The following GK5 variants were observed in gnomAD, a reference collection of about 807,000 sequenced individuals.
GK5 encodes the protein ATP:glycerol 3-phosphotransferase 5.
GK5 carries 39 observed loss-of-function variants against 77.3 expected under a neutral mutation model. That is an observed-to-expected ratio of 0.50 (90% CI 0.39 to 0.66). The LOEUF (loss-of-function observed/expected upper bound fraction) is 0.66, where lower values mean the gene tolerates loss of function less well. GK5 is among the 30% of genes least tolerant of loss of function. The probability of loss-of-function intolerance (pLI) is 0.00; values close to 1 mark genes in which losing one functional copy is unlikely to be tolerated. For synonymous variants in GK5, 211 were observed against 208.0 expected, an observed-to-expected ratio of 1.01 and a Z score of -0.13; for missense variants, 487 against 633.8, an observed-to-expected ratio of 0.77 and a Z score of 2.49.
At chr3:142,171,682 G>GT (rs1001374029) in intron 13 of GK5, among the ~76,000 whole-genome samples, 10 of 151,396 alleles carry the variant, frequency 6.6e-5, no homozygotes, top group African/African-American at 1.9e-4. Flanking sequence ...AGGTCCTTGT[G>GT]TTTTTTTTGC....
At chr3:142,178,688 T>G (rs1280991980) in intron 11 of GK5, among the ~76,000 whole-genome samples, 1 of 152,234 alleles carries the variant, frequency 6.6e-6, no homozygotes. Context: ...TCTGGGTAGT[T>G]CCTAGTGTTT....
chr3:142,201,180 G>A (rs190353847), intron 4 of GK5, among the ~76,000 whole-genome samples: 50 of 152,226 alleles, frequency 3.3e-4, no homozygotes, highest in Non-Finnish European at 6.0e-4. Flanking sequence ...TACAAAGAAC[G>A]TTCATAAAAG....
chr3:142,179,617 T>A (rs1461985097), intron 11 of GK5, among the ~76,000 whole-genome samples: 2 of 152,206 alleles, frequency 1.3e-5, no homozygotes, highest in Non-Finnish European at 2.9e-5. Flanking sequence ...AGACAGTTGG[T>A]TTGAGGAAAA....
chr3:142,187,784 A>G lies in GK5; in HGVS notation c.544-5T>C. On this transcript the variant is annotated splice_polypyrimidine_tract_variant and splice_region_variant and intron_variant, in intron 5 of 15. Coordinates refer to ENST00000392993, the MANE Select transcript of GK5 (RefSeq NM_001039547.3). ...TTCTTCAACTGCCTTTTGCACCTTGAAAACACAACAGCACAAAATCGATTC... is the reference window on the plus strand; with the variant it reads ...TTCTTCAACTGCCTTTTGCACCTTGGAAACACAACAGCACAAAATCGATTC... 6.2e-7 allele frequency: 1 copy of G among 1,608,744 alleles called. No homozygotes were observed. The highest frequency in any genetic ancestry group is 2.2e-5 in the East Asian group (1 of 44,840).
At chr3:142,201,931 T>G (rs2064031286) in intron 4 of GK5, among the ~76,000 whole-genome samples, 1 of 152,114 alleles carries the variant, frequency 6.6e-6, no homozygotes, top group South Asian at 2.1e-4. Flanking sequence ...CATAAGAGAT[T>G]GAGGGCAAGG....
chr3:142,182,642 C>T (rs1302258965), intron 10 of GK5, among the ~76,000 whole-genome samples: 2 of 152,164 alleles, frequency 1.3e-5, no homozygotes, highest in African/African-American at 4.8e-5. Context: ...AGCCACCATG[C>T]CCGGCCCCTA....
intron 4 of GK5, 121 bp downstream of exon 4, chr3:142,204,574 G>T: frequency 2.7e-6 from 2 of 745,386 alleles, no homozygotes; most frequent in Non-Finnish European, 5.0e-6. Flanking sequence ...ACTGGAATGG[G>T]GAGTGTGTGC....
intron 11 of GK5, among the ~76,000 whole-genome samples, chr3:142,180,661 C>G (rs1200700627): frequency 6.6e-6 from 1 of 152,052 alleles, no homozygotes; most frequent in Non-Finnish European, 1.5e-5. Flanking sequence ...TCTCTGACCC[C>G]CCTTTTCTCC....
intron 5 of GK5, 63 bp downstream of exon 5, chr3:142,198,739 C>A: frequency 1.5e-6 from 2 of 1,375,298 alleles, no homozygotes; most frequent in South Asian, 1.6e-5. Flanking sequence ...TTTTCTTCCC[C>A]ATAGTCTTTA....
At chr3:142,189,293 T>C (rs527521863) in intron 5 of GK5, among the ~76,000 whole-genome samples, 35 of 152,326 alleles carry the variant, frequency 2.3e-4, no homozygotes, top group Non-Finnish European at 4.0e-4. Context: ...AATTATACTT[T>C]AATAGTAGAA....
intron 5 of GK5, among the ~76,000 whole-genome samples, chr3:142,196,947 G>A (rs1009763629): frequency 6.6e-6 from 1 of 152,138 alleles, no homozygotes; most frequent in African/African-American, 2.4e-5. Context: ...CAGCACTTTG[G>A]GAGGCCGAGG....
chr3:142,159,847 C>CTTTTTTTTTTTTTTTTTTTTGTTTT lies in GK5; in HGVS notation c.*5774_*5775insAAAACAAAAAAAAAAAAAAAAAAAA, dbSNP rs1407448771. 1 of 103,156 alleles carries CTTTTTTTTTTTTTTTTTTTTGTTTT rather than the reference C, an allele frequency of 9.7e-6. No homozygotes were observed. The highest frequency in any genetic ancestry group is 4.0e-5 in the African/African-American group (1 of 25,148). 6.4% of individuals were successfully genotyped at this position (103,156 alleles called of 1,614,324 possible). A position where few individuals can be genotyped will look rare whatever the true frequency, so the allele number is the denominator to read the frequency against. On this transcript the variant is annotated 3_prime_UTR_variant, in exon 16 of 16. Coordinates refer to ENST00000392993, the MANE Select transcript of GK5 (RefSeq NM_001039547.3). The stretch of plus-strand genomic sequence containing the variant: ...TGGGGCTTTCTCTCTCTCTCTCTCT[C>CTTTTTTTTTTTTTTTTTTTTGTTTT]TCTCTCTTTTTTTTTTTTGAGACAG...
intron 12 of GK5, among the ~76,000 whole-genome samples, chr3:142,175,812 C>G (rs1383989763): frequency 6.7e-6 from 1 of 148,830 alleles, no homozygotes; most frequent in Admixed American, 6.7e-5. Flanking sequence ...GGGTTTAAAA[C>G]TTAAAAAAAT....
chr3:142,189,948 A>G (rs570681702), intron 5 of GK5, among the ~76,000 whole-genome samples: 3 of 152,304 alleles, frequency 2.0e-5, no homozygotes, highest in East Asian at 3.9e-4. Context: ...ATATATACAA[A>G]TAAGTAACCA....
At position 142,175,303 on chromosome 3, in the gene GK5, C is replaced by G. The variant is rs545284975; in HGVS notation, c.1143+2179G>C. ...TGCCACCCCCAGTGTATGGCTCCCA[C>G]CCTTTCTGCCATTCCCTGAAGTGGC... On this transcript the variant is annotated intron_variant, in intron 12 of 15. Coordinates refer to ENST00000392993, the MANE Select transcript of GK5 (RefSeq NM_001039547.3). Among the ~76,000 whole-genome samples the G allele has an allele frequency of 2.4e-4, 37 of 152,164 alleles. 1 individual carries two copies. Among genetic ancestry groups the G allele is most frequent in the Non-Finnish European group, 4.7e-4 (32 of 68,030 alleles).
intron 6 of GK5, among the ~76,000 whole-genome samples, chr3:142,187,254 G>C (rs558636874): frequency 6.6e-6 from 1 of 151,880 alleles, no homozygotes; most frequent in East Asian, 1.9e-4. Context: ...ACTAGAACAT[G>C]TTGTTAATAG....
intron 2 of GK5, 141 bp from the exon 3 acceptor site, chr3:142,213,742 A>G: frequency 1.7e-6 from 1 of 595,338 alleles, no homozygotes; most frequent in Non-Finnish European, 3.0e-6. Flanking sequence ...AACTGGAATT[A>G]ACAAATAAAG....
chr3:142,208,754 A>G (rs1416228766), intron 3 of GK5, among the ~76,000 whole-genome samples: 1 of 152,222 alleles, frequency 6.6e-6, no homozygotes, highest in Non-Finnish European at 1.5e-5. Context: ...ATGAACAGAG[A>G]CACACAGCAC....
At chr3:142,193,669 T>C (rs1456027269) in intron 5 of GK5, among the ~76,000 whole-genome samples, 1 of 152,198 alleles carries the variant, frequency 6.6e-6, no homozygotes, top group Non-Finnish European at 1.5e-5. Flanking sequence ...TTTCAAAGTA[T>C]ATATTTTGTA....
Sources: allele counts gnomAD v4.1 joint callset (sites outside exome capture counted in the v4.1 genomes callset), GRCh38; gene constraint gnomAD v4.1.1; transcripts MANE v1.5; gene names NCBI Gene and HGNC (gene_info 2026-07-23, HGNC 2026-07-21).